The following ZNF175 variants were observed in gnomAD, a reference collection of about 807,000 sequenced individuals.
ZNF175 encodes zinc finger protein 175.
Under a neutral mutation model 14.0 loss-of-function variants are expected in ZNF175, and 8 were observed. That is an observed-to-expected ratio of 0.57 (90% CI 0.34 to 1.03). The LOEUF (loss-of-function observed/expected upper bound fraction) is 1.03. Ranked by LOEUF, ZNF175 falls within the 50% of genes least tolerant of loss-of-function variation. The pLI, the probability that ZNF175 is intolerant of heterozygous loss-of-function variation, is 0.03. For missense variants in ZNF175, 764 were observed against 849.5 expected (o/e 0.90, Z 1.25); for synonymous variants, 255 against 296.8 (o/e 0.86, Z 1.45).
chr19:51,580,621 C>A (rs1488838117), intron 2 of ZNF175, among the ~76,000 whole-genome samples: 1 of 152,058 alleles, frequency 6.6e-6, no homozygotes, highest in Admixed American at 6.6e-5. Flanking sequence ...AATGGCAGTC[C>A]GTTCATTAAA....
rs4801878 is a variant in ZNF175, at chr19:51,591,789, T to A, written c.*3322T>A. ...CCTTTTTTTTTTTTTTCTTGTGAGATGGAGTCTCGCTCTGTCGCCCAGGCT... is the reference window on the plus strand; with the variant it reads ...CCTTTTTTTTTTTTTTCTTGTGAGAAGGAGTCTCGCTCTGTCGCCCAGGCT... On this transcript the variant is annotated 3_prime_UTR_variant, in exon 5 of 5. Transcript: ENST00000262259. 1 of 145,738 alleles carries A rather than the reference T, an allele frequency of 6.9e-6. No individual in the cohort carries two copies. The highest frequency in any genetic ancestry group is 1.5e-5 in the Non-Finnish European group (1 of 66,924). The allele number at this position is 145,738 out of a possible 1,614,324, so 9.0% of individuals were successfully genotyped here.
rs1280624708 is a variant in ZNF175, at chr19:51,590,991, C to T, written c.*2524C>T. The stretch of plus-strand genomic sequence containing the variant: ...CCTCCCTTCTCAGATCTGGGCTTTC[C>T]CTGTTCCTAAGCATCACCTGGGGGG... On this transcript the variant is annotated 3_prime_UTR_variant, in exon 5 of 5. Transcript: ENST00000262259. 2.8e-5 allele frequency: 4 copies of T among 144,016 alleles called. No individual in the cohort carries two copies. The highest frequency in any genetic ancestry group is 7.4e-5 in the African/African-American group (3 of 40,432). 8.9% of individuals were successfully genotyped at this position (144,016 alleles called of 1,614,324 possible).
At chr19:51,573,998 G>A (rs1318831108) in intron 2 of ZNF175, 1 of 152,354 alleles carries the variant, frequency 6.6e-6, no homozygotes, top group Non-Finnish European at 1.5e-5. Context: ...TTGGTAACAA[G>A]AAATCAGAAT....
In ZNF175 at chr19:51,587,130, C is replaced by T. The variant is rs926747467; in HGVS notation, c.799C>T (p.Leu267Phe). 2 of 1,614,200 alleles carry T rather than the reference C, an allele frequency of 1.2e-6. No homozygotes were observed. The highest frequency in any genetic ancestry group is 1.7e-6 in the Non-Finnish European group (2 of 1,180,026). The part of the protein sequence containing the change: ...CRKVCGHKQS[L>F]KQHQIHTQKK... The stretch of plus-strand genomic sequence containing the variant: ...AAAAGTCTGTGGCCATAAACAGTCA[C>T]TCAAGCAACATCAAATTCATACTCA... Residue 267 changes from leucine to phenylalanine, a missense_variant, in exon 5 of 5, where the codon CTC (leucine) becomes TTC (phenylalanine). By Grantham distance (22) the Leu-to-Phe change is conservative (BLOSUM62 0). Transcript: ENST00000262259.
chr19:51,582,996 C>G (rs924774283), intron 4 of ZNF175, among the ~76,000 whole-genome samples: 3 of 152,184 alleles, frequency 2.0e-5, no homozygotes, highest in Non-Finnish European at 4.4e-5. Context: ...GCTGTGATTA[C>G]AGGCATGCAC....
At position 51,586,630 on chromosome 19, in the gene ZNF175, G is replaced by A. The variant is rs756789033; in HGVS notation, c.299G>A (p.Arg100Lys). ...CATCTTCTCTTTCTCCTTTTAGAAA[G>A]GGAGTTTGGGCTTGAAATCCCACAA... ...AEVSHQRCQE[R>K]EFGLEIPQKE... is the part of the protein sequence containing the mutation. Residue 100 changes from arginine to lysine, a missense_variant, in exon 5 of 5, where the codon AGG becomes AAG. Physicochemically the swap from Arg to Lys is conservative, Grantham distance 26. Coordinates refer to ENST00000262259, the MANE Select transcript of ZNF175 (RefSeq NM_007147.4). 1.9e-6 allele frequency: 3 copies of A among 1,581,196 alleles called. No homozygotes were observed. The Admixed American group carries it at 5.7e-5, about 30-fold the overall frequency.
chr19:51,572,716 C>T (rs1981636430), intron 1 of ZNF175, among the ~76,000 whole-genome samples: 1 of 152,184 alleles, frequency 6.6e-6, no homozygotes, highest in Admixed American at 6.5e-5. Context: ...AATTATGTAA[C>T]AGCACACAGC....
At chr19:51,584,997 T>C (rs763145897) in intron 4 of ZNF175, among the ~76,000 whole-genome samples, 1 of 152,192 alleles carries the variant, frequency 6.6e-6, no homozygotes, top group Non-Finnish European at 1.5e-5. Context: ...CCCACAAGAA[T>C]TGAAAGCAAG....
Position 51,589,277 on chromosome 19 carries a change from T to TGTAC in ZNF175, c.*813_*814insCGTA. On this transcript the variant is annotated 3_prime_UTR_variant, in exon 5 of 5. Transcript: ENST00000262259. ...GCATATGTGTATGTATGCGTATGTA[T>TGTAC]GTATGTATGTATGCCCTCAGTGCAG... 2.1e-6 allele frequency: 1 copy of TGTAC among 482,520 alleles called. No individual in the cohort carries two copies. The highest frequency in any genetic ancestry group is 3.5e-5 in the East Asian group (1 of 28,900). The allele number at this position is 482,520 out of a possible 1,614,324, so 29.9% of individuals were successfully genotyped here.
At chr19:51,577,725 ACG>A (rs1981841800) in intron 2 of ZNF175, among the ~76,000 whole-genome samples, 1 of 139,814 alleles carries the variant, frequency 7.2e-6, no homozygotes, top group Non-Finnish European at 1.5e-5. Flanking sequence ...GTGCAGTGGC[ACG>A]ATCTTGGCTC....
chr19:51,581,231 AT>A (rs772373234), intron 2 of ZNF175, 159 bp from the exon 3 acceptor site: 1,156 of 980,618 alleles, frequency 1.2e-3, no homozygotes, highest in Non-Finnish European at 1.4e-3. Context: ...TATTTCTCTT[AT>A]TTTTTTTTAA....
At position 51,587,071 on chromosome 19, in the gene ZNF175, C is replaced by G. The variant is rs374012317; in HGVS notation, c.740C>G (p.Thr247Arg). 1 of 1,614,172 alleles carries G rather than the reference C, an allele frequency of 6.2e-7. No homozygotes were observed. Residue 247 changes from threonine (T) to arginine (R), a missense_variant, in exon 5 of 5, where the codon ACA becomes AGA. Transcript: ENST00000262259. ...SSDACSKNIHTGETFCKGNQC... is the reference protein window; with the variant it reads ...SSDACSKNIHRGETFCKGNQC... ...GATGCCTGCAGCAAGAATATTCATA[C>G]AGGAGAGACATTTTGCAAAGGTAAC...
rs1982298531 is a variant in ZNF175, at chr19:51,589,822, CTG to C, written c.*1356_*1357del. The C allele has an allele frequency of 1.8e-6, 1 of 552,780 alleles. No homozygotes were observed. Among genetic ancestry groups the C allele is most frequent in the Non-Finnish European group, 3.2e-6 (1 of 313,372 alleles). 34.2% of individuals were successfully genotyped at this position (552,780 alleles called of 1,614,324 possible). On this transcript the variant is annotated 3_prime_UTR_variant, in exon 5 of 5. Transcript: ENST00000262259. The stretch of plus-strand genomic sequence containing the variant: ...GATCAAATAGCCCCCAAGCTGGAAA[CTG>C]AAAATATCTACTCTCTGGCTCTTTA...
intron 2 of ZNF175, among the ~76,000 whole-genome samples, chr19:51,575,318 G>A (rs893243208): frequency 6.9e-6 from 1 of 145,672 alleles, no homozygotes; most frequent in Admixed American, 7.1e-5. Flanking sequence ...CCGGGTTAAC[G>A]CCGTTCTCCT....
In ZNF175 at chr19:51,592,443, C is replaced by T. The variant is rs1982381663; in HGVS notation, c.*3976C>T. 1 of 544,950 alleles carries T rather than the reference C, an allele frequency of 1.8e-6. No homozygotes were observed. 33.8% of individuals were successfully genotyped at this position (544,950 alleles called of 1,614,324 possible). Reference sequence around the variant, plus strand: ...CCACCATGAGTACAACACAAATGCTCGTTCTTAATGATTCAACAAACATGG... The same window carrying T: ...CCACCATGAGTACAACACAAATGCTTGTTCTTAATGATTCAACAAACATGG... On this transcript the variant is annotated 3_prime_UTR_variant, in exon 5 of 5. Coordinates refer to ENST00000262259, the MANE Select transcript of ZNF175 (RefSeq NM_007147.4).
intron 4 of ZNF175, among the ~76,000 whole-genome samples, chr19:51,584,172 T>C (rs1194055133): frequency 6.6e-6 from 1 of 152,212 alleles, no homozygotes. Flanking sequence ...AAAAAGTAAG[T>C]GTATCAACAT....
At chr19:51,580,779 C>T (rs567942539) in intron 2 of ZNF175, among the ~76,000 whole-genome samples, 9 of 152,164 alleles carry the variant, frequency 5.9e-5, no homozygotes, top group Non-Finnish European at 1.3e-4. Flanking sequence ...TTTCCTACCT[C>T]TCTAGTTTTA....
At chr19:51,583,616 G>A (rs1982081679) in intron 4 of ZNF175, among the ~76,000 whole-genome samples, 1 of 152,122 alleles carries the variant, frequency 6.6e-6, no homozygotes, top group African/African-American at 2.4e-5. Flanking sequence ...GTTTAGTCAA[G>A]ATACTGACAG....
intron 4 of ZNF175, 58 bp from the exon 5 acceptor site, chr19:51,586,569 G>T: frequency 6.6e-7 from 1 of 1,504,726 alleles, no homozygotes; most frequent in Non-Finnish European, 8.9e-7. Context: ...TCAGCTTCAT[G>T]CAGTTTCTCC....
Sources: gnomAD v4.1 joint callset for allele counts (sites outside exome capture counted in the v4.1 genomes callset) on GRCh38, gnomAD v4.1.1 for gene constraint, MANE v1.5 for transcripts, NCBI Gene and HGNC (gene_info 2026-07-23, HGNC 2026-07-21) for gene names.